Variants in PPP1R1C observed in about 807,000 individuals in gnomAD.
PPP1R1C encodes the protein protein phosphatase 1 regulatory inhibitor subunit 1C, also known as protein phosphatase 1 regulatory subunit 1C.
PPP1R1C carries 15 observed loss-of-function variants against 17.4 expected under a neutral mutation model. The observed-to-expected ratio is 0.86, with a 90% CI of 0.58 to 1.33. The LOEUF is 1.33. Among genes scored for constraint, PPP1R1C ranks in the 40% most tolerant of loss-of-function variants. The pLI is 0.00. For synonymous variants in PPP1R1C, 35 were observed against 43.1 expected (o/e 0.81, Z 0.73); for missense variants, 143 against 130.0 (o/e 1.10, Z -0.48).
chr2:181,972,472 C>T (rs1012396069), intron 1 of PPP1R1C, among the ~76,000 whole-genome samples: 2 of 151,472 alleles, frequency 1.3e-5, no homozygotes, highest in African/African-American at 2.4e-5. Flanking sequence ...ATAAATTATT[C>T]GTGTAATTAC....
chr2:182,121,360 G>C (rs1177090504), downstream of PPP1R1C, among the ~76,000 whole-genome samples: 1 of 87,174 alleles, frequency 1.1e-5, no homozygotes, highest in African/African-American at 4.8e-5. Context: ...TTTAATAATT[G>C]GTATTTATTA....
chr2:182,111,227 T>C (rs1367224527), intron 4 of PPP1R1C, among the ~76,000 whole-genome samples: 2 of 152,156 alleles, frequency 1.3e-5, no homozygotes, highest in Non-Finnish European at 2.9e-5. Context: ...AAAATATAGG[T>C]AAAAATATAC....
chr2:181,956,172 G>A (rs1392691555), intron 1 of PPP1R1C, among the ~76,000 whole-genome samples: 4 of 152,104 alleles, frequency 2.6e-5, no homozygotes, highest in Non-Finnish European at 5.9e-5. Context: ...TCTTGTGTTA[G>A]TTTGCTGAGA....
intron 2 of PPP1R1C, among the ~76,000 whole-genome samples, chr2:182,040,014 A>G (rs973922286): frequency 6.6e-6 from 1 of 152,210 alleles, no homozygotes; most frequent in African/African-American, 2.4e-5. Context: ...GTAGTATTCC[A>G]TGGTGTATAG....
chr2:182,011,092 G>A (rs1686076707), intron 2 of PPP1R1C, among the ~76,000 whole-genome samples: 2 of 151,990 alleles, frequency 1.3e-5, no homozygotes, highest in South Asian at 2.1e-4. Context: ...TTACTTTGAT[G>A]TGTCTTTGTC....
At position 181,987,792 on chromosome 2, in the gene PPP1R1C, C is replaced by T. The variant is rs936238794; in HGVS notation, c.82-47C>T. 1.4e-5 allele frequency: 23 copies of T among 1,586,728 alleles called. No homozygotes were observed. In the Admixed American group the frequency reaches 2.4e-4, roughly 16 times the overall value. ...TTGCAAGCTGCAGAGTAACCTGGAG[C>T]AGTGTCTAATACTCACTGATATTAG... On this transcript the variant is annotated intron_variant, in intron 1 of 4. Transcript: ENST00000682840.
At chr2:182,023,445 A>G (rs1686491261) in intron 2 of PPP1R1C, among the ~76,000 whole-genome samples, 1 of 152,244 alleles carries the variant, frequency 6.6e-6, no homozygotes, top group Admixed American at 6.5e-5. Context: ...GGCAAAGACA[A>G]TCCAACATAA....
intron 2 of PPP1R1C, among the ~76,000 whole-genome samples, chr2:181,997,314 A>T (rs1685644248): frequency 6.6e-6 from 1 of 152,138 alleles, no homozygotes; most frequent in South Asian, 2.1e-4. Context: ...ACAGAGGTAG[A>T]TATCCAACTG....
intron 4 of PPP1R1C, among the ~76,000 whole-genome samples, chr2:182,116,351 A>G (rs1217019501): frequency 2.6e-5 from 4 of 152,156 alleles, no homozygotes; most frequent in African/African-American, 9.7e-5. Context: ...TTGACAATAG[A>G]TGTTCTAAGA....
chr2:182,111,875 G>T (rs1257446714), intron 4 of PPP1R1C, among the ~76,000 whole-genome samples: 7 of 151,940 alleles, frequency 4.6e-5, no homozygotes, highest in Non-Finnish European at 8.8e-5. Context: ...TTTGTATATA[G>T]GATGATTTCA....
chr2:182,044,320 T>C (rs890360257), intron 2 of PPP1R1C, among the ~76,000 whole-genome samples: 2 of 152,202 alleles, frequency 1.3e-5, no homozygotes, highest in Non-Finnish European at 2.9e-5. Context: ...AATCCCTGAA[T>C]CATCTAGTCT....
chr2:182,118,589 A>G (rs1311595782), downstream of PPP1R1C, among the ~76,000 whole-genome samples: 1 of 152,214 alleles, frequency 6.6e-6, no homozygotes, highest in East Asian at 1.9e-4. Flanking sequence ...TCAAATATGT[A>G]AAATGATTGC....
intron 2 of PPP1R1C, among the ~76,000 whole-genome samples, chr2:182,056,803 G>A (rs898676950): frequency 3.3e-5 from 5 of 152,022 alleles, no homozygotes; most frequent in African/African-American, 9.7e-5. Flanking sequence ...TATACATATT[G>A]TACTTGAAAT....
downstream of PPP1R1C, among the ~76,000 whole-genome samples, chr2:182,122,602 T>C (rs1689760049): frequency 6.6e-6 from 1 of 152,188 alleles, no homozygotes; most frequent in Non-Finnish European, 1.5e-5. Context: ...GCTAACCACT[T>C]TGGCTCTGTA....
intron 2 of PPP1R1C, among the ~76,000 whole-genome samples, chr2:182,040,764 C>G (rs1001892010): frequency 6.6e-6 from 1 of 152,102 alleles, no homozygotes; most frequent in Non-Finnish European, 1.5e-5. Flanking sequence ...CCTAGGTTAT[C>G]TTATAGAATT....
intron 2 of PPP1R1C, among the ~76,000 whole-genome samples, chr2:182,052,808 T>A (rs1687566252): frequency 1.3e-5 from 2 of 152,244 alleles, no homozygotes; most frequent in Non-Finnish European, 2.9e-5. Context: ...CATGTTTGAA[T>A]ATTTTTAGTA....
chr2:182,118,407 T>C (rs569058901), downstream of PPP1R1C, among the ~76,000 whole-genome samples: 1 of 152,070 alleles, frequency 6.6e-6, no homozygotes, highest in Non-Finnish European at 1.5e-5. Context: ...AACTACAAAA[T>C]TTAGGGGGAA....
chr2:182,005,420 A>C (rs770078213), intron 2 of PPP1R1C, among the ~76,000 whole-genome samples: 7 of 152,214 alleles, frequency 4.6e-5, no homozygotes, highest in Non-Finnish European at 1.0e-4. Flanking sequence ...GCCTCAGTTC[A>C]ATATATCCAT....
At chr2:182,031,781 T>C (rs1686848253) in intron 2 of PPP1R1C, among the ~76,000 whole-genome samples, 1 of 152,252 alleles carries the variant, frequency 6.6e-6, no homozygotes, top group South Asian at 2.1e-4. Context: ...CTATAATTTA[T>C]GGTTTATATA....
Sources: allele counts gnomAD v4.1 joint callset (sites outside exome capture counted in the v4.1 genomes callset), GRCh38; gene constraint gnomAD v4.1.1; transcripts MANE v1.5; gene names NCBI Gene and HGNC (gene_info 2026-07-23, HGNC 2026-07-21).